The following TMEM245 variants were observed in gnomAD, a reference collection of about 807,000 sequenced individuals.
TMEM245 encodes the protein protein CG-2.
Under a neutral mutation model 101.2 loss-of-function variants are expected in TMEM245, and 69 were observed. The observed-to-expected ratio is 0.68, with a 90% CI of 0.56 to 0.83. TMEM245 has a LOEUF of 0.83. Among genes scored for constraint, TMEM245 ranks in the 40% least tolerant of loss-of-function variants. The probability of loss-of-function intolerance (pLI) is 0.00; values close to 1 mark genes in which losing one functional copy is unlikely to be tolerated. For missense variants in TMEM245, 1,075 were observed against 1,092.8 expected (o/e 0.98, Z 0.23); for synonymous variants, 537 against 449.8 (o/e 1.19, Z -2.45).
In TMEM245 at chr9:109,036,251, A is replaced by C. The variant is rs775800820; in HGVS notation, c.2354T>G (p.Leu785Trp). 17 of 1,613,576 alleles carry C rather than the reference A, an allele frequency of 1.1e-5. No individual in the cohort carries two copies. The highest frequency in any genetic ancestry group is 1.4e-5 in the Non-Finnish European group (17 of 1,179,954). Reference sequence around the variant, plus strand: ...TGCAGTATCTACAAAGTATGTTGGCAAGAGATGAAAAATCAACAGTAAAAT... The same window carrying C: ...TGCAGTATCTACAAAGTATGTTGGCCAGAGATGAAAAATCAACAGTAAAAT... ...KAILLLIFHLLPTYFVDTAIY... is the reference protein window; with the variant it reads ...KAILLLIFHLWPTYFVDTAIY... Residue 785 changes from leucine (L) to tryptophan (W), a missense_variant, in exon 16 of 18, where the codon TTG becomes TGG. Physicochemically the swap from Leu to Trp is moderately conservative, Grantham distance 61 (BLOSUM62 -2). Transcript: ENST00000374586.
At chr9:109,043,227 T>A (rs1828371827) in intron 14 of TMEM245, among the ~76,000 whole-genome samples, 1 of 152,244 alleles carries the variant, frequency 6.6e-6, no homozygotes, top group Non-Finnish European at 1.5e-5. Context: ...TGTCTTACTA[T>A]CTATGAAAGA....
intron 9 of TMEM245, among the ~76,000 whole-genome samples, chr9:109,068,420 C>A (rs1463265040): frequency 6.9e-6 from 1 of 145,788 alleles, no homozygotes; most frequent in Non-Finnish European, 1.5e-5. Context: ...GCGGGTGGAT[C>A]ACTTGAGGTC....
At chr9:109,029,775 G>A (rs1827894739) in intron 17 of TMEM245, among the ~76,000 whole-genome samples, 1 of 152,250 alleles carries the variant, frequency 6.6e-6, no homozygotes, top group African/African-American at 2.4e-5. Context: ...CACTGGGGCA[G>A]ACCAGGGCAC....
At chr9:109,034,284 T>C (rs530223258) in intron 16 of TMEM245, among the ~76,000 whole-genome samples, 8 of 152,350 alleles carry the variant, frequency 5.3e-5, no homozygotes, top group African/African-American at 1.4e-4. Flanking sequence ...GGATGTTCTA[T>C]ATTACAGCTA....
chr9:109,086,738 T>C (rs1829850812), intron 6 of TMEM245, among the ~76,000 whole-genome samples: 1 of 152,192 alleles, frequency 6.6e-6, no homozygotes, highest in African/African-American at 2.4e-5. Flanking sequence ...ACTGCTGTCT[T>C]TCCCCAATAA....
chr9:109,083,901 CAAAAAAAAAAAAA>C (rs751739620), intron 7 of TMEM245, among the ~76,000 whole-genome samples: 12 of 34,468 alleles, frequency 3.5e-4, no homozygotes, highest in Non-Finnish European at 4.5e-4. Flanking sequence ...ACTAAAAATA[CAAAAAAAAAAAAA>C]AAAAAAAAAA....
chr9:109,021,797 T>C (rs1445178468), intron 17 of TMEM245, among the ~76,000 whole-genome samples: 1 of 151,932 alleles, frequency 6.6e-6, no homozygotes, highest in Non-Finnish European at 1.5e-5. Flanking sequence ...AATGAGACCC[T>C]GCACCACCAC....
At position 109,048,157 on chromosome 9, in the gene TMEM245, T is replaced by C. The variant is rs540528279; in HGVS notation, c.2123+2126A>G. Among the ~76,000 whole-genome samples the C allele has an allele frequency of 7.9e-5, 12 of 152,334 alleles. No individual in the cohort carries two copies. In the East Asian group the frequency reaches 1.9e-3, roughly 24 times the overall value. ...TCTTTATAGATGGCCCCTGTGTGGATACCTGAGGACACTATACAGGTGTTA... is the reference window on the plus strand; with the variant it reads ...TCTTTATAGATGGCCCCTGTGTGGACACCTGAGGACACTATACAGGTGTTA... On this transcript the variant is annotated intron_variant, in intron 14 of 17. Coordinates refer to ENST00000374586, the MANE Select transcript of TMEM245 (RefSeq NM_032012.4).
At chr9:109,032,815 TTTTTTTTTTTTTA>T (rs1828001547) in intron 17 of TMEM245, among the ~76,000 whole-genome samples, 1 of 149,280 alleles carries the variant, frequency 6.7e-6, no homozygotes, top group African/African-American at 2.5e-5. Context: ...GTCTTTTTTT[TTTTTTTTTTTTTA>T]TATGCTGTTG....
chr9:109,032,365 C>CTTGTTTTTTTTTTTTTTTTT (rs1827975199), intron 17 of TMEM245, among the ~76,000 whole-genome samples: 1 of 40,960 alleles, frequency 2.4e-5, no homozygotes, highest in Non-Finnish European at 4.4e-5. Flanking sequence ...ATTTCTTTTC[C>CTTGTTTTTTTTTTTTTTTTT]TTTTTTTTTT....
chr9:109,060,009 AAAAACT>A (rs1828961336), intron 11 of TMEM245, among the ~76,000 whole-genome samples: 1 of 152,226 alleles, frequency 6.6e-6, no homozygotes, highest in African/African-American at 2.4e-5. Flanking sequence ...AATATCACTA[AAAAACT>A]AAAACAGGTA....
At chr9:109,069,770 C>T (rs983987795) in intron 9 of TMEM245, among the ~76,000 whole-genome samples, 5 of 152,202 alleles carry the variant, frequency 3.3e-5, no homozygotes, top group African/African-American at 1.2e-4. Flanking sequence ...AACAAAACTG[C>T]TCTATACCTC....
At position 109,119,332 on chromosome 9, in the gene TMEM245, C is replaced by T; in HGVS notation, c.579+3G>A. ...GGACGGGGGCGGACTGCCGCTCACT[C>T]ACCCACAGGCTGCTGAAGTAGTCCA... On this transcript the variant is annotated splice_donor_region_variant and intron_variant, in intron 1 of 17. Transcript: ENST00000374586. 3.3e-6 allele frequency: 5 copies of T among 1,526,758 alleles called. No homozygotes were observed. The highest frequency in any genetic ancestry group is 3.5e-6 in the Non-Finnish European group (4 of 1,141,404). The allele number at this position is 1,526,758 out of a possible 1,614,324, so 94.6% of individuals were successfully genotyped here. A position where few individuals can be genotyped will look rare whatever the true frequency, so the allele number is the denominator to read the frequency against.
At chr9:109,062,653 C>T (rs1829050222) in intron 10 of TMEM245, among the ~76,000 whole-genome samples, 1 of 152,150 alleles carries the variant, frequency 6.6e-6, no homozygotes. Flanking sequence ...TATTCATAAA[C>T]TGAAAACTAA....
chr9:109,056,859 C>A (rs922746309), intron 12 of TMEM245, among the ~76,000 whole-genome samples: 1 of 152,178 alleles, frequency 6.6e-6, no homozygotes, highest in Admixed American at 6.5e-5. Flanking sequence ...AAGCATTCAA[C>A]ACATCCCATC....
intron 13 of TMEM245, 36 bp downstream of exon 13, chr9:109,050,534 A>G (rs1367770699): frequency 6.2e-7 from 1 of 1,613,646 alleles, no homozygotes; most frequent in South Asian, 1.1e-5. Context: ...TTAACAGGGA[A>G]GGAAATATGA....
At chr9:109,103,156 G>C (rs527731314) in intron 3 of TMEM245, among the ~76,000 whole-genome samples, 2 of 152,280 alleles carry the variant, frequency 1.3e-5, no homozygotes, top group South Asian at 2.1e-4. Flanking sequence ...AATTAGAAAG[G>C]AAGAAGTCAA....
chr9:109,074,487 A>G (rs1238824943), intron 8 of TMEM245, among the ~76,000 whole-genome samples: 2 of 152,188 alleles, frequency 1.3e-5, no homozygotes, highest in African/African-American at 4.8e-5. Context: ...AAGAAGCCAC[A>G]TCGTTATCCT....
chr9:109,074,306 G>A (rs1022894922), intron 8 of TMEM245, among the ~76,000 whole-genome samples: 2 of 152,052 alleles, frequency 1.3e-5, no homozygotes, highest in Non-Finnish European at 2.9e-5. Flanking sequence ...ATCCAAACAA[G>A]GAAAGAAACA....
Sources: allele counts gnomAD v4.1 joint callset (sites outside exome capture counted in the v4.1 genomes callset), GRCh38; gene constraint gnomAD v4.1.1; transcripts MANE v1.5; gene names NCBI Gene and HGNC (gene_info 2026-07-23, HGNC 2026-07-21).